Variants in GRIP1 observed in about 807,000 individuals in gnomAD.
GRIP1 encodes the protein glutamate receptor interacting protein 1, also known as glutamate receptor-interacting protein 1.
GRIP1 carries 45 observed loss-of-function variants against 129.9 expected under a neutral mutation model. The ratio of observed to expected loss-of-function variants is 0.35; its 90% CI spans 0.27 to 0.44. The LOEUF (loss-of-function observed/expected upper bound fraction) is 0.44, where lower values mean the gene tolerates loss of function less well. GRIP1 is among the 20% of genes least tolerant of loss of function. The pLI is 1.00. For synonymous variants in GRIP1, 530 were observed against 520.8 expected (o/e 1.02, Z -0.24); for missense variants, 1,196 against 1,396.8 (o/e 0.86, Z 2.29).
At chr12:66,809,171 T>C (rs1026812420), upstream of GRIP1, among the ~76,000 whole-genome samples, 6 of 152,242 alleles carry the variant, frequency 3.9e-5, no homozygotes, top group Non-Finnish European at 7.3e-5. Context: ...ATTGCCTATA[T>C]AGCATTTACA....
intron 1 of GRIP1, among the ~76,000 whole-genome samples, chr12:67,057,619 T>C (rs190000263): frequency 6.0e-4 from 92 of 152,220 alleles, no homozygotes; most frequent in African/African-American, 2.2e-3. Context: ...TAATTTTATA[T>C]TACTGTGAGC....
At chr12:66,629,934 T>C (rs1404358147) in intron 1 of GRIP1, among the ~76,000 whole-genome samples, 1 of 152,222 alleles carries the variant, frequency 6.6e-6, no homozygotes, top group Middle Eastern at 3.2e-3. Flanking sequence ...TCTTTGAATC[T>C]CGGGTTTTTA....
chr12:66,465,628 G>A (rs1218216752), intron 7 of GRIP1, among the ~76,000 whole-genome samples: 1 of 152,150 alleles, frequency 6.6e-6, no homozygotes, highest in East Asian at 1.9e-4. Context: ...CTTGTATTGT[G>A]TTAATGTATG....
chr12:67,018,611 T>C (rs1383139189), intron 1 of GRIP1, among the ~76,000 whole-genome samples: 2 of 152,134 alleles, frequency 1.3e-5, no homozygotes, highest in Non-Finnish European at 2.9e-5. Flanking sequence ...TGTGTCAGGT[T>C]CCTACAAACC....
intron 7 of GRIP1, among the ~76,000 whole-genome samples, chr12:66,482,601 TTC>T (rs928587273): frequency 6.6e-6 from 1 of 152,174 alleles, no homozygotes; most frequent in African/African-American, 2.4e-5. Context: ...TTAAGCCTGT[TTC>T]CCTAGCTGCC....
At chr12:66,380,971 A>G (rs2056081287) in intron 19 of GRIP1, among the ~76,000 whole-genome samples, 1 of 152,174 alleles carries the variant, frequency 6.6e-6, no homozygotes, top group Admixed American at 6.5e-5. Context: ...ATTGCGTAAG[A>G]TGATTCTGTC....
At chr12:67,009,715 A>C (rs2042677706) in intron 1 of GRIP1, among the ~76,000 whole-genome samples, 1 of 152,168 alleles carries the variant, frequency 6.6e-6, no homozygotes, top group Non-Finnish European at 1.5e-5. Context: ...AAGACAAATC[A>C]TAGGACTCAA....
chr12:66,901,274 A>AT, intron 1 of GRIP1, among the ~76,000 whole-genome samples: 1 of 152,348 alleles, frequency 6.6e-6, no homozygotes, highest in Admixed American at 6.5e-5. Flanking sequence ...ATTTCACATG[A>AT]TGAGGGGAAC....
At chr12:66,613,084 T>C (rs553408776) in intron 1 of GRIP1, among the ~76,000 whole-genome samples, 11 of 152,284 alleles carry the variant, frequency 7.2e-5, no homozygotes, top group African/African-American at 2.2e-4. Flanking sequence ...ACAAGAAACC[T>C]ATTAAGTATA....
intron 1 of GRIP1, among the ~76,000 whole-genome samples, chr12:66,695,198 G>A (rs968978872): frequency 2.0e-5 from 3 of 152,080 alleles, no homozygotes; most frequent in Non-Finnish European, 2.9e-5. Context: ...TGTGTGAGGA[G>A]GAGCCTTGCT....
chr12:66,500,682 A>T (rs1007014553), intron 7 of GRIP1, among the ~76,000 whole-genome samples: 1 of 152,180 alleles, frequency 6.6e-6, no homozygotes, highest in African/African-American at 2.4e-5. Flanking sequence ...TCAATCATTC[A>T]ATGTTCCATG....
At chr12:66,856,342 C>G (rs1468854335) in intron 1 of GRIP1, among the ~76,000 whole-genome samples, 4 of 152,110 alleles carry the variant, frequency 2.6e-5, no homozygotes, top group Admixed American at 1.3e-4. Context: ...ACACCAAAAG[C>G]AATGGCAACA....
intron 1 of GRIP1, among the ~76,000 whole-genome samples, chr12:66,598,291 A>T (rs982067518): frequency 6.6e-6 from 1 of 152,196 alleles, no homozygotes; most frequent in African/African-American, 2.4e-5. Context: ...GACAAAAGGA[A>T]AAGATTAACA....
At chr12:66,356,281 G>A (rs769535665) in intron 23 of GRIP1, among the ~76,000 whole-genome samples, 4 of 152,192 alleles carry the variant, frequency 2.6e-5, no homozygotes, top group Admixed American at 2.6e-4. Flanking sequence ...ACAGGGAAAT[G>A]AAAGCTCAAA....
intron 1 of GRIP1, among the ~76,000 whole-genome samples, chr12:66,714,385 C>G (rs1214903468): frequency 6.6e-6 from 1 of 151,988 alleles, no homozygotes; most frequent in Non-Finnish European, 1.5e-5. Flanking sequence ...CAGAAAAGAT[C>G]AGTGAAAAAT....
intron 1 of GRIP1, among the ~76,000 whole-genome samples, chr12:66,675,202 T>C (rs575532144): frequency 6.6e-6 from 1 of 151,806 alleles, no homozygotes; most frequent in South Asian, 2.1e-4. Context: ...AGAGAGAGGG[T>C]GGGTGGCAGC....
At chr12:66,902,933 G>A (rs2040866528) in intron 1 of GRIP1, among the ~76,000 whole-genome samples, 1 of 152,114 alleles carries the variant, frequency 6.6e-6, no homozygotes, top group Non-Finnish European at 1.5e-5. Flanking sequence ...TCACATATAC[G>A]TGACAAATTA....
intron 1 of GRIP1, among the ~76,000 whole-genome samples, chr12:66,602,249 A>G (rs2064309301): frequency 6.6e-6 from 1 of 152,092 alleles, no homozygotes; most frequent in African/African-American, 2.4e-5. Context: ...TTCCAGTTCC[A>G]TTTGCTTCCC....
intron 1 of GRIP1, among the ~76,000 whole-genome samples, chr12:66,638,826 T>C (rs2031658074): frequency 6.6e-6 from 1 of 152,148 alleles, no homozygotes. Flanking sequence ...GCATATGATA[T>C]AGTGCTGGCC....
Sources: allele counts gnomAD v4.1 joint callset (sites outside exome capture counted in the v4.1 genomes callset), GRCh38; gene constraint gnomAD v4.1.1; transcripts MANE v1.5; gene names NCBI Gene and HGNC (gene_info 2026-07-23, HGNC 2026-07-21).